MINDY2: variants seen among roughly 807,000 people sequenced by gnomAD.
The protein encoded by MINDY2 is ubiquitin carboxyl-terminal hydrolase MINDY-2.
A neutral mutation model predicts 68.2 loss-of-function variants in MINDY2; 52 were observed. The ratio of observed to expected loss-of-function variants is 0.76; its 90% CI spans 0.61 to 0.96. The LOEUF is 0.96. Ranked by LOEUF, MINDY2 falls within the 40% of genes least tolerant of loss-of-function variation. The pLI, the probability that MINDY2 is intolerant of heterozygous loss-of-function variation, is 0.00. For missense variants in MINDY2, 881 were observed against 773.4 expected (o/e 1.14, Z -1.65); for synonymous variants, 372 against 303.0 (o/e 1.23, Z -2.36).
intron 5 of MINDY2, 29 bp downstream of exon 5, chr15:58,821,848 T>A (rs768493624): frequency 6.9e-7 from 1 of 1,451,374 alleles, no homozygotes; most frequent in Admixed American, 2.1e-5. Context: ...TTCCTGACTT[T>A]TGAAATTCTT....
intron 1 of MINDY2, among the ~76,000 whole-genome samples, chr15:58,778,823 T>C (rs1245203353): frequency 6.8e-6 from 1 of 147,452 alleles, no homozygotes. Flanking sequence ...TTTTTTTTTT[T>C]TTTTTTTGAG....
chr15:58,844,365 G>C lies in MINDY2; in HGVS notation c.1369-2932G>C, dbSNP rs1595777517. Among the ~76,000 whole-genome samples the C allele has an allele frequency of 3.3e-5, 5 of 151,524 alleles. No individual in the cohort carries two copies. The South Asian group carries it at 1.0e-3, about 32-fold the overall frequency. Reference sequence around the variant, plus strand: ...GATTGAGACCATCCTGGCTAACACGGTGAAACCCCGTCTCTACTAAAAAAT... The same window carrying C: ...GATTGAGACCATCCTGGCTAACACGCTGAAACCCCGTCTCTACTAAAAAAT... On this transcript the variant is annotated intron_variant, in intron 6 of 8. Transcript: ENST00000559228.
In MINDY2 at chr15:58,861,685, A is replaced by G. The variant is rs1286932045; in HGVS notation, c.*7075A>G. 1 of 152,196 alleles carries G rather than the reference A, an allele frequency of 6.6e-6. No individual in the cohort carries two copies. The highest frequency in any genetic ancestry group is 1.5e-5 in the Non-Finnish European group (1 of 68,042). 9.4% of individuals were successfully genotyped at this position (152,196 alleles called of 1,614,324 possible). On this transcript the variant is annotated 3_prime_UTR_variant, in exon 9 of 9. Coordinates refer to ENST00000559228, the MANE Select transcript of MINDY2 (RefSeq NM_001040450.3). ...GATATTCCTTAAAAGGCATACATAG[A>G]TGGTAAAGTATAAAATATTTCTGAC...
At chr15:58,775,856 TA>T (rs1900739980) in intron 1 of MINDY2, among the ~76,000 whole-genome samples, 1 of 145,404 alleles carries the variant, frequency 6.9e-6, no homozygotes, top group African/African-American at 2.7e-5. Context: ...GTAAAGAGGC[TA>T]AATTTTTTTT....
intron 2 of MINDY2, chr15:58,795,951 G>A (rs1303264626): frequency 5.5e-6 from 2 of 366,858 alleles, no homozygotes; most frequent in African/African-American, 4.2e-5. Flanking sequence ...AGAGGGTGAA[G>A]ATTGTTAGAA....
In MINDY2 at chr15:58,771,877, G is replaced by A. The variant is rs779444438; in HGVS notation, c.482G>A (p.Cys161Tyr). 6.3e-7 allele frequency: 1 copy of A among 1,576,530 alleles called. No homozygotes were observed. Among genetic ancestry groups the A allele is most frequent in the African/African-American group, 1.4e-5 (1 of 73,644 alleles). ...PSSAGGLSSSCSDPSPPGESP... is the reference protein window; with the variant it reads ...PSSAGGLSSSYSDPSPPGESP... ...AGCGCCGGCGGCCTCAGCAGCAGTTGCAGCGACCCGAGCCCTCCTGGGGAA... is the reference window on the plus strand; with the variant it reads ...AGCGCCGGCGGCCTCAGCAGCAGTTACAGCGACCCGAGCCCTCCTGGGGAA... The change falls in exon 1 of 9, where the codon TGC (cysteine) becomes TAC (tyrosine). Residue 161 changes from cysteine (C) to tyrosine (Y), a missense_variant. Coordinates refer to ENST00000559228, the MANE Select transcript of MINDY2 (RefSeq NM_001040450.3).
chr15:58,810,710 A>G (rs62002433), intron 4 of MINDY2, among the ~76,000 whole-genome samples: 10,277 of 152,232 alleles, frequency 0.068, 452 homozygotes, highest in Non-Finnish European at 0.1. Flanking sequence ...AGAGTGACTA[A>G]CAGGACTCCC....
intron 1 of MINDY2, among the ~76,000 whole-genome samples, chr15:58,778,983 A>T (rs1900960478): frequency 6.6e-6 from 1 of 151,366 alleles, no homozygotes; most frequent in Non-Finnish European, 1.5e-5. Context: ...GCTGTTCTTG[A>T]ACTCCTGACC....
intron 1 of MINDY2, 57 bp from the exon 2 acceptor site, chr15:58,787,849 A>G: frequency 8.3e-7 from 1 of 1,202,882 alleles, no homozygotes; most frequent in Non-Finnish European, 1.2e-6. Flanking sequence ...TGACTGCAAG[A>G]AATACTTTAG....
Position 58,804,086 on chromosome 15 carries a change from G to A in MINDY2, c.963+1709G>A, listed in dbSNP as rs570769283. On this transcript the variant is annotated intron_variant, in intron 3 of 8. Coordinates refer to ENST00000559228, the MANE Select transcript of MINDY2 (RefSeq NM_001040450.3). ...AGAGCTTGGAGTGAGCCGAGATCGC[G>A]CCACTGCACTCCAGCCGGGGCGACA... Among the ~76,000 whole-genome samples the A allele has an allele frequency of 2.0e-4, 31 of 151,638 alleles. No homozygotes were observed. The South Asian group carries it at 5.0e-3, about 25-fold the overall frequency.
rs373557115 is a variant in MINDY2, at chr15:58,855,864, G to A, written c.*1254G>A. On this transcript the variant is annotated 3_prime_UTR_variant, in exon 9 of 9. Coordinates refer to ENST00000559228, the MANE Select transcript of MINDY2 (RefSeq NM_001040450.3). The stretch of plus-strand genomic sequence containing the variant: ...GAACCCGGCAGGCAGAGGTTGCAGT[G>A]AGCCGAGATCGCCCTGCTGCACTCC... 2 of 152,260 alleles carry A rather than the reference G, an allele frequency of 1.3e-5. No homozygotes were observed. The highest frequency in any genetic ancestry group is 2.9e-5 in the Non-Finnish European group (2 of 68,064). The allele number at this position is 152,260 out of a possible 1,614,324, so 9.4% of individuals were successfully genotyped here.
Position 58,771,748 on chromosome 15 carries a change from G to T in MINDY2, c.353G>T (p.Gly118Val). The change falls in exon 1 of 9, where the codon GGA becomes GTA. Residue 118 changes from glycine to valine, a missense_variant. Transcript: ENST00000559228. The part of the protein sequence containing the change: ...VTASPETAVA[G>V]VGHELGTAGD... ...GCCTCCCCGGAGACAGCCGTGGCCG[G>T]AGTGGGTCATGAGTTGGGTACCGCC... The T allele has an allele frequency of 6.2e-7, 1 of 1,611,718 alleles. No homozygotes were observed. Among genetic ancestry groups the T allele is most frequent in the Non-Finnish European group, 8.5e-7 (1 of 1,179,574 alleles).
At chr15:58,789,875 G>T (rs1901772646) in intron 2 of MINDY2, among the ~76,000 whole-genome samples, 1 of 152,050 alleles carries the variant, frequency 6.6e-6, no homozygotes. Context: ...TTGAACTCCT[G>T]ACCTCAGGTG....
intron 2 of MINDY2, 54 bp downstream of exon 2, chr15:58,788,017 C>A (rs931274452): frequency 2.4e-6 from 3 of 1,233,672 alleles, no homozygotes; most frequent in Non-Finnish European, 3.4e-6. Context: ...GTTTTCAAAG[C>A]TAGTTGATTA....
At chr15:58,782,500 T>A (rs1415433654) in intron 1 of MINDY2, among the ~76,000 whole-genome samples, 1 of 152,228 alleles carries the variant, frequency 6.6e-6, no homozygotes, top group East Asian at 1.9e-4. Context: ...CTTGCCAAAT[T>A]TCCATTGTTA....
chr15:58,851,820 T>A lies in MINDY2; in HGVS notation c.1592T>A (p.Ile531Asn). 6.2e-7 allele frequency: 1 copy of A among 1,610,930 alleles called. No homozygotes were observed. The highest frequency in any genetic ancestry group is 8.5e-7 in the Non-Finnish European group (1 of 1,179,162). ...CAACAAGAACAGCAGAGCCAAGAGA[T>A]CAATTGGGAACAAATCCCGGAAGGA... The part of the protein sequence containing the change: ...SLQQEQQSQE[I>N]NWEQIPEGIS... The change falls in exon 8 of 9, where the codon ATC (isoleucine) becomes AAC (asparagine). Residue 531 changes from isoleucine to asparagine, a missense_variant. Physicochemically the swap from Ile to Asn is moderately radical, Grantham distance 149. Transcript: ENST00000559228.
In MINDY2 at chr15:58,859,908, G is replaced by C. The variant is rs2033169600; in HGVS notation, c.*5298G>C. On this transcript the variant is annotated 3_prime_UTR_variant, in exon 9 of 9. Coordinates refer to ENST00000559228, the MANE Select transcript of MINDY2 (RefSeq NM_001040450.3). ...TTCTTCAACTATTGCCTCAAGTTCA[G>C]TTTTGTCCTATTGTCCTGAGAAAGG... 6.6e-6 allele frequency: 1 copy of C among 152,130 alleles called. No homozygotes were observed. Among genetic ancestry groups the C allele is most frequent in the South Asian group, 2.1e-4 (1 of 4,832 alleles). 9.4% of individuals were successfully genotyped at this position (152,130 alleles called of 1,614,324 possible).
At chr15:58,804,922 G>A (rs1305043709) in intron 3 of MINDY2, among the ~76,000 whole-genome samples, 6 of 152,160 alleles carry the variant, frequency 3.9e-5, no homozygotes, top group African/African-American at 1.2e-4. Context: ...GAGCCTAGGA[G>A]TTCAAGACCA....
intron 1 of MINDY2, among the ~76,000 whole-genome samples, chr15:58,772,621 C>G (rs1331516264): frequency 6.6e-6 from 1 of 152,170 alleles, no homozygotes. Context: ...AAGTTACCAT[C>G]AATCCGTGAT....
Sources: allele counts gnomAD v4.1 joint callset (sites outside exome capture counted in the v4.1 genomes callset), GRCh38; gene constraint gnomAD v4.1.1; transcripts MANE v1.5; gene names NCBI Gene and HGNC (gene_info 2026-07-23, HGNC 2026-07-21).